RIOK3: variants seen among roughly 807,000 people sequenced by gnomAD.
RIOK3 encodes the protein RIO kinase 3, also known as serine/threonine-protein kinase RIO3.
Under a neutral mutation model 63.5 loss-of-function variants are expected in RIOK3, and 40 were observed. The observed-to-expected ratio is 0.63, with a 90% confidence interval of 0.49 to 0.82. The LOEUF (loss-of-function observed/expected upper bound fraction) is 0.82, where lower values mean the gene tolerates loss of function less well. Ranked by LOEUF, RIOK3 falls within the 40% of genes least tolerant of loss-of-function variation. The pLI is 0.00. For synonymous variants in RIOK3, 193 were observed against 205.0 expected (o/e 0.94, Z 0.50); for missense variants, 557 against 637.0 (o/e 0.87, Z 1.35).
At chr18:23,469,038 C>T (rs1299452280) in intron 7 of RIOK3, among the ~76,000 whole-genome samples, 1 of 152,212 alleles carries the variant, frequency 6.6e-6, no homozygotes, top group Non-Finnish European at 1.5e-5. Context: ...CCCTGCAGTT[C>T]CTTGCCATGG....
chr18:23,463,140 A>C, intron 2 of RIOK3, 61 bp downstream of exon 2: 1 of 1,136,188 alleles, frequency 8.8e-7, no homozygotes, highest in East Asian at 2.4e-5. Context: ...GGATTTGATG[A>C]GTAATTGTCA....
chr18:23,463,102 TTATC>T lies in RIOK3; in HGVS notation c.179+26_179+29del, dbSNP rs573989960. On this transcript the variant is annotated intron_variant, in intron 2 of 12. Transcript: ENST00000339486. ...TGCGTAAGTAAAATTCACAAATACT[TTATC>T]TAGCAACTTATAGCAGAGTTTTAGG... 5.2e-4 allele frequency: 746 copies of T among 1,447,184 alleles called. 5 individuals are homozygous for T. The African/African-American group carries it at 9.3e-3, about 18-fold the overall frequency. 89.6% of individuals were successfully genotyped at this position (1,447,184 alleles called of 1,614,324 possible).
At chr18:23,458,558 CTA>C (rs1349802634) in intron 1 of RIOK3, among the ~76,000 whole-genome samples, 4 of 152,150 alleles carry the variant, frequency 2.6e-5, no homozygotes, top group Non-Finnish European at 5.9e-5. Flanking sequence ...GATTGTGACA[CTA>C]TAGGGAGTTT....
Position 23,474,975 on chromosome 18 carries a change from A to G in RIOK3, c.1041A>G (p.Pro347=). Residue 347 remains proline, a synonymous_variant, in exon 9 of 13, where the codon CCA becomes CCG. Coordinates refer to ENST00000339486, the MANE Select transcript of RIOK3 (RefSeq NM_003831.5). ...ARMQRAGIPC[P]TVVLLKKHIL... ...TGCAGAGAGCTGGAATTCCTTGTCC[A>G]ACAGTTGTACTACTGAAGAAACACA... The G allele has an allele frequency of 1.2e-6, 2 of 1,611,696 alleles. No homozygotes were observed. Among genetic ancestry groups the G allele is most frequent in the Non-Finnish European group, 1.7e-6 (2 of 1,177,912 alleles).
Position 23,466,092 on chromosome 18 carries a change from C to T in RIOK3, c.544-41C>T. 4 of 1,506,750 alleles carry T rather than the reference C, an allele frequency of 2.7e-6. 1 individual carries two copies. The highest frequency in any genetic ancestry group is 3.5e-4 in the Middle Eastern group (2 of 5,670). The allele number at this position is 1,506,750 out of a possible 1,614,324, so 93.3% of individuals were successfully genotyped here. A position where few individuals can be genotyped will look rare whatever the true frequency, so the allele number is the denominator to read the frequency against. On this transcript the variant is annotated intron_variant, in intron 5 of 12. Coordinates refer to ENST00000339486, the MANE Select transcript of RIOK3 (RefSeq NM_003831.5). ...TTTTTGTTTTTGTTTTTAACTGTCC[C>T]TATTTTAAAATATTTAGATGCTAAT...
chr18:23,467,439 A>G lies in RIOK3; in HGVS notation c.728A>G (p.Lys243Arg). 6.2e-7 allele frequency: 1 copy of G among 1,613,444 alleles called. No homozygotes were observed. Among genetic ancestry groups the G allele is most frequent in the Non-Finnish European group, 8.5e-7 (1 of 1,179,472 alleles). The change falls in exon 7 of 13, where the codon AAA becomes AGA. Residue 243 changes from lysine (K) to arginine (R), a missense_variant. Physicochemically the swap from Lys to Arg is conservative, Grantham distance 26 (BLOSUM62 2). Around this residue, in one of 3 missense-constraint regions of RIOK3, gnomAD observed 309 missense variants for 338.7 expected, o/e 0.91. Coordinates refer to ENST00000339486, the MANE Select transcript of RIOK3 (RefSeq NM_003831.5). Reference sequence around the variant, plus strand: ...CCTAAGACACGTTTACTTATGTATAAAATGGTCAACTCTGGAATGTTGGAG... The same window carrying G: ...CCTAAGACACGTTTACTTATGTATAGAATGGTCAACTCTGGAATGTTGGAG... ...VDPKTRLLMYKMVNSGMLETI... is the reference protein window; with the variant it reads ...VDPKTRLLMYRMVNSGMLETI...
At chr18:23,457,554 C>G (rs1995329) in intron 1 of RIOK3, among the ~76,000 whole-genome samples, 41,251 of 152,008 alleles carry the variant, frequency 0.27, 6,721 homozygotes, top group Non-Finnish European at 0.36. Flanking sequence ...TTGTGACAAA[C>G]GTATAATACT....
intron 7 of RIOK3, among the ~76,000 whole-genome samples, chr18:23,473,038 A>AGGAGT (rs1204834792): frequency 6.6e-6 from 1 of 152,218 alleles, no homozygotes; most frequent in Non-Finnish European, 1.5e-5. Flanking sequence ...TATGTCTGCT[A>AGGAGT]GGAGTGAAAG....
Position 23,454,476 on chromosome 18 carries a change from T to G in RIOK3, c.63+974T>G, listed in dbSNP as rs574531061. Among the ~76,000 whole-genome samples, 4 of 152,372 alleles carry G rather than the reference T, an allele frequency of 2.6e-5. No homozygotes were observed. The South Asian group carries it at 8.3e-4, about 32-fold the overall frequency. ...GTTGGCAAATGTGGTTAAGTCTGCA[T>G]GTTATTTTGTGTATTTTTCCTTGAG... On this transcript the variant is annotated intron_variant, in intron 1 of 12. Coordinates refer to ENST00000339486, the MANE Select transcript of RIOK3 (RefSeq NM_003831.5).
At chr18:23,465,081 A>G (rs901267992) in intron 5 of RIOK3, among the ~76,000 whole-genome samples, 5 of 152,226 alleles carry the variant, frequency 3.3e-5, no homozygotes, top group Non-Finnish European at 1.5e-5. Flanking sequence ...TTTAAAAAAT[A>G]GCATTCTAGG....
chr18:23,469,958 A>C (rs991344475), intron 7 of RIOK3, among the ~76,000 whole-genome samples: 2 of 152,226 alleles, frequency 1.3e-5, no homozygotes, highest in Admixed American at 6.5e-5. Flanking sequence ...ATGGTCAATG[A>C]AAGATAATTA....
intron 8 of RIOK3, among the ~76,000 whole-genome samples, chr18:23,474,268 G>A (rs1224820407): frequency 1.3e-5 from 2 of 151,996 alleles, no homozygotes; most frequent in African/African-American, 4.8e-5. Flanking sequence ...TGGTGTGCAC[G>A]TGTACTCCCA....
At chr18:23,457,618 T>A (rs1187612466) in intron 1 of RIOK3, among the ~76,000 whole-genome samples, 1 of 152,258 alleles carries the variant, frequency 6.6e-6, no homozygotes, top group Non-Finnish European at 1.5e-5. Flanking sequence ...GGAACTGTAC[T>A]GTCTTGGCAG....
In RIOK3 at chr18:23,473,614, A is replaced by C. The variant is rs575456446; in HGVS notation, c.1001A>C (p.His334Pro). 2 of 1,612,368 alleles carry C rather than the reference A, an allele frequency of 1.2e-6. No individual in the cohort carries two copies. Among genetic ancestry groups the C allele is most frequent in the East Asian group, 4.5e-5 (2 of 44,788 alleles). Reference protein sequence around the residue: ...IIRMWAEKEMHNLARMQRAGI... With the variant: ...IIRMWAEKEMPNLARMQRAGI... ...CGCATGTGGGCAGAAAAAGAAATGC[A>C]CAATCTCGCAAGGTAAAGAAAATAT... The change falls in exon 8 of 13, where the codon CAC becomes CCC. Residue 334 changes from histidine (H) to proline (P), a missense_variant. Transcript: ENST00000339486.
intron 8 of RIOK3, 81 bp from the exon 9 acceptor site, chr18:23,474,867 C>T (rs2057478731): frequency 9.3e-7 from 1 of 1,072,422 alleles, no homozygotes; most frequent in Non-Finnish European, 1.4e-6. Context: ...CATTGCAGGC[C>T]CTGATTAGAT....
intron 8 of RIOK3, among the ~76,000 whole-genome samples, chr18:23,474,601 G>T (rs2057476973): frequency 6.6e-6 from 1 of 152,106 alleles, no homozygotes; most frequent in African/African-American, 2.4e-5. Context: ...TCCCCAAATG[G>T]ACTGTGCTCT....
chr18:23,473,807 A>AG (rs543680354), intron 8 of RIOK3, among the ~76,000 whole-genome samples, 181 bp downstream of exon 8: 53 of 152,326 alleles, frequency 3.5e-4, no homozygotes, highest in Non-Finnish European at 5.7e-4. Flanking sequence ...ATGAAGCTTG[A>AG]GGGAAATCTG....
intron 11 of RIOK3, among the ~76,000 whole-genome samples, 172 bp downstream of exon 11, chr18:23,477,440 ATTTGAT>A (rs964685465): frequency 2.0e-5 from 3 of 152,164 alleles, no homozygotes; most frequent in African/African-American, 7.2e-5. Context: ...TTTTGCAAGA[ATTTGAT>A]TCCATGTCTT....
intron 5 of RIOK3, among the ~76,000 whole-genome samples, chr18:23,465,511 G>T (rs750115007): frequency 1.3e-5 from 2 of 152,148 alleles, no homozygotes; most frequent in African/African-American, 4.8e-5. Flanking sequence ...AAATATTCCA[G>T]ATCTAATTCT....
Sources: allele counts gnomAD v4.1 joint callset (sites outside exome capture counted in the v4.1 genomes callset), GRCh38; gene constraint gnomAD v4.1.1; regional missense constraint gnomAD v4.1.1; transcripts MANE v1.5; gene names NCBI Gene and HGNC (gene_info 2026-07-23, HGNC 2026-07-21).